RPRD2: variants seen among roughly 807,000 people sequenced by gnomAD.
The protein encoded by RPRD2 is regulation of nuclear pre-mRNA domain-containing protein 2.
RPRD2 carries 12 observed loss-of-function variants against 104.4 expected under a neutral mutation model. The ratio of observed to expected loss-of-function variants is 0.11; its 90% CI spans 0.07 to 0.19. RPRD2 has a LOEUF of 0.19. Ranked by LOEUF, RPRD2 falls within the 10% of genes least tolerant of loss-of-function variation. The pLI is 1.00. For synonymous variants in RPRD2, 714 were observed against 684.9 expected, an observed-to-expected ratio of 1.04 and a Z score of -0.66; for missense variants, 1,543 against 1,790.1, an observed-to-expected ratio of 0.86 and a Z score of 2.49.
At chr1:150,393,801 C>G (rs1446772016) in intron 1 of RPRD2, among the ~76,000 whole-genome samples, 1 of 151,992 alleles carries the variant, frequency 6.6e-6, no homozygotes, top group Non-Finnish European at 1.5e-5. Context: ...TTCTGCAGGA[C>G]ATCTGGCTTG....
chr1:150,460,462 G>GA, intron 9 of RPRD2, 145 bp downstream of exon 9: 1 of 845,934 alleles, frequency 1.2e-6, no homozygotes, highest in Non-Finnish European at 1.8e-6. Flanking sequence ...GGAGTGCAGT[G>GA]GTGCAATCTT....
At chr1:150,442,286 G>A (rs1267935897) in intron 4 of RPRD2, among the ~76,000 whole-genome samples, 3 of 152,146 alleles carry the variant, frequency 2.0e-5, no homozygotes, top group Admixed American at 2.0e-4. Flanking sequence ...GATATATGAT[G>A]TTAGAGGCAG....
intron 9 of RPRD2, among the ~76,000 whole-genome samples, chr1:150,462,801 C>T (rs1668025627): frequency 1.3e-5 from 2 of 152,136 alleles, no homozygotes; most frequent in South Asian, 2.1e-4. Flanking sequence ...GTGATCTGCT[C>T]GCGTTGGCCT....
At chr1:150,404,144 T>G (rs587658748) in intron 1 of RPRD2, among the ~76,000 whole-genome samples, 86 of 152,276 alleles carry the variant, frequency 5.6e-4, no homozygotes, top group African/African-American at 1.9e-3. Context: ...GCCACACTTG[T>G]GTGATTATGT....
At chr1:150,437,345 T>C (rs1381962416) in intron 2 of RPRD2, among the ~76,000 whole-genome samples, 3 of 151,964 alleles carry the variant, frequency 2.0e-5, no homozygotes, top group Non-Finnish European at 4.4e-5. Context: ...AAAATACAAA[T>C]ATTAGCTGGG....
chr1:150,389,915 G>A (rs1029093622), intron 1 of RPRD2, among the ~76,000 whole-genome samples: 2 of 152,150 alleles, frequency 1.3e-5, no homozygotes, highest in Admixed American at 6.6e-5. Context: ...GCACTAATGG[G>A]AGACTAAGCC....
chr1:150,386,961 AGT>A (rs1661612083), intron 1 of RPRD2, among the ~76,000 whole-genome samples: 3 of 152,156 alleles, frequency 2.0e-5, no homozygotes, highest in Non-Finnish European at 2.9e-5. Context: ...ATGTCTTTTA[AGT>A]GTGTGCATAA....
chr1:150,368,119 T>C (rs1460634823), intron 1 of RPRD2, among the ~76,000 whole-genome samples: 2 of 151,920 alleles, frequency 1.3e-5, no homozygotes, highest in East Asian at 3.9e-4. Context: ...CTCGGGCTTC[T>C]TCACATCCTG....
At chr1:150,391,562 G>C (rs1212942107) in intron 1 of RPRD2, among the ~76,000 whole-genome samples, 4 of 152,276 alleles carry the variant, frequency 2.6e-5, no homozygotes, top group Admixed American at 2.6e-4. Flanking sequence ...AACCATAAGA[G>C]TAAATCTGAA....
At chr1:150,392,102 G>T (rs115330648) in intron 1 of RPRD2, among the ~76,000 whole-genome samples, 2,438 of 148,068 alleles carry the variant, frequency 0.016, 55 homozygotes, top group African/African-American at 0.057. Flanking sequence ...CGGGAGAATC[G>T]CTTGAACCGG....
intron 1 of RPRD2, among the ~76,000 whole-genome samples, chr1:150,381,783 C>T (rs1486915514): frequency 3.3e-5 from 5 of 152,034 alleles, no homozygotes; most frequent in African/African-American, 9.7e-5. Flanking sequence ...GGATTACAGA[C>T]GTGAGCCACC....
intron 1 of RPRD2, among the ~76,000 whole-genome samples, chr1:150,415,717 T>C (rs1462704704): frequency 6.6e-6 from 1 of 151,950 alleles, no homozygotes; most frequent in African/African-American, 2.4e-5. Flanking sequence ...GAAGCAAGCA[T>C]AGTTAATGGA....
intron 1 of RPRD2, among the ~76,000 whole-genome samples, chr1:150,384,807 A>G (rs1280861796): frequency 6.6e-6 from 1 of 151,904 alleles, no homozygotes; most frequent in East Asian, 1.9e-4. Context: ...GCACCCAGCC[A>G]AAAGGCATGA....
At chr1:150,401,522 G>C (rs1663005687) in intron 1 of RPRD2, among the ~76,000 whole-genome samples, 1 of 151,976 alleles carries the variant, frequency 6.6e-6, no homozygotes. Context: ...TTGTTGCCCA[G>C]GTTGGAGTGT....
chr1:150,420,568 A>G (rs1245362174), intron 2 of RPRD2, among the ~76,000 whole-genome samples: 22 of 152,182 alleles, frequency 1.4e-4, no homozygotes, highest in African/African-American at 5.1e-4. Flanking sequence ...GCTCATGCCT[A>G]TAATCCCAGC....
intron 1 of RPRD2, among the ~76,000 whole-genome samples, chr1:150,382,483 T>C (rs587708167): frequency 3.3e-5 from 5 of 152,024 alleles, no homozygotes; most frequent in African/African-American, 1.2e-4. Flanking sequence ...GTGATCCTCT[T>C]GAGTAGCTGG....
At chr1:150,453,434 C>T (rs1384119538) in intron 7 of RPRD2, among the ~76,000 whole-genome samples, 1 of 152,174 alleles carries the variant, frequency 6.6e-6, no homozygotes, top group Non-Finnish European at 1.5e-5. Flanking sequence ...CTCCAACATC[C>T]TTTGCAATGC....
chr1:150,373,896 T>C (rs1483195584), intron 1 of RPRD2, among the ~76,000 whole-genome samples: 1 of 152,086 alleles, frequency 6.6e-6, no homozygotes, highest in Non-Finnish European at 1.5e-5. Flanking sequence ...AGTACAGATA[T>C]AGAAGAGGTC....
chr1:150,433,551 T>C (rs1396651389), intron 2 of RPRD2, among the ~76,000 whole-genome samples: 1 of 147,354 alleles, frequency 6.8e-6, no homozygotes, highest in Non-Finnish European at 1.5e-5. Flanking sequence ...TTCATGCCAT[T>C]CTCCTGCCTC....
Sources: allele counts gnomAD v4.1 joint callset (sites outside exome capture counted in the v4.1 genomes callset), GRCh38; gene constraint gnomAD v4.1.1; transcripts MANE v1.5; gene names NCBI Gene and HGNC (gene_info 2026-07-23, HGNC 2026-07-21).